TECTB: variants seen among roughly 807,000 people sequenced by gnomAD.
TECTB encodes tectorin beta.
A neutral mutation model predicts 43.3 loss-of-function variants in TECTB; 45 were observed. The ratio of observed to expected loss-of-function variants is 1.04; its 90% CI spans 0.82 to 1.33. The LOEUF (loss-of-function observed/expected upper bound fraction) is 1.33. Ranked by LOEUF, TECTB falls within the 40% of genes most tolerant of loss-of-function variation. The probability of loss-of-function intolerance (pLI) is 0.00; values close to 1 mark genes in which losing one functional copy is unlikely to be tolerated. For missense variants in TECTB, 399 were observed against 404.7 expected (o/e 0.99, Z 0.12); for synonymous variants, 169 against 156.7 (o/e 1.08, Z -0.59).
chr10:112,299,405 A>G, intron 8 of TECTB, 87 bp from the exon 9 acceptor site: 2 of 1,338,140 alleles, frequency 1.5e-6, no homozygotes, highest in South Asian at 2.4e-5. Flanking sequence ...CCTTTTTAAA[A>G]TATCTTTTCT....
At chr10:112,293,214 T>C (rs1400816243) in intron 5 of TECTB, among the ~76,000 whole-genome samples, 3 of 152,232 alleles carry the variant, frequency 2.0e-5, no homozygotes, top group African/African-American at 7.2e-5. Flanking sequence ...GAGTCCATCG[T>C]CAGTGCCCAA....
chr10:112,292,135 C>CAA (rs1218997579), intron 5 of TECTB, among the ~76,000 whole-genome samples: 43 of 109,928 alleles, frequency 3.9e-4, no homozygotes, highest in East Asian at 2.5e-3. Flanking sequence ...GACTCCATCT[C>CAA]AAAAAAAAAA....
chr10:112,293,883 A>C (rs935597388), intron 6 of TECTB, 42 bp downstream of exon 6: 1 of 1,603,568 alleles, frequency 6.2e-7, no homozygotes, highest in Non-Finnish European at 8.5e-7. Flanking sequence ...AAATGCAAAG[A>C]AAAAAAAGAC....
At position 112,303,732 on chromosome 10, in the gene TECTB, A is replaced by G. The variant is rs914997189; in HGVS notation, c.*420A>G. 4 of 168,700 alleles carry G rather than the reference A, an allele frequency of 2.4e-5. No homozygotes were observed. Among genetic ancestry groups the G allele is most frequent in the Non-Finnish European group, 5.2e-5 (4 of 77,458 alleles). 10.5% of individuals were successfully genotyped at this position (168,700 alleles called of 1,614,324 possible). A position where few individuals can be genotyped will look rare whatever the true frequency, so the allele number is the denominator to read the frequency against. ...CGCACATTAATAGCTGACTTTGCCA[A>G]AAAGGAGCTTTGTCATTGAGGCAGT... is the stretch of plus-strand genomic sequence containing the variant. On this transcript the variant is annotated 3_prime_UTR_variant, in exon 11 of 11. Transcript: ENST00000646139.
chr10:112,297,812 T>A (rs1332824168), intron 7 of TECTB, among the ~76,000 whole-genome samples: 1 of 152,200 alleles, frequency 6.6e-6, no homozygotes, highest in Non-Finnish European at 1.5e-5. Context: ...AGGTGTAACT[T>A]ACTAAAAGTG....
At chr10:112,294,834 G>A (rs562310418) in intron 7 of TECTB, among the ~76,000 whole-genome samples, 1 of 152,298 alleles carries the variant, frequency 6.6e-6, no homozygotes, top group African/African-American at 2.4e-5. Context: ...GAAAATGTAG[G>A]AACTAATCAG....
At chr10:112,284,435 C>A in intron 2 of TECTB, 100 bp from the exon 3 acceptor site, 10 of 1,221,650 alleles carry the variant, frequency 8.2e-6, no homozygotes, top group Non-Finnish European at 1.1e-5. Flanking sequence ...TTTTAACCAA[C>A]TGCTTTTGCA....
chr10:112,293,906 T>G, intron 6 of TECTB, 65 bp downstream of exon 6: 2 of 1,605,062 alleles, frequency 1.2e-6, no homozygotes, highest in South Asian at 2.2e-5. Context: ...GCTGACATAC[T>G]TTTTAATCAT....
Position 112,304,115 on chromosome 10 carries a change from A to C in TECTB, c.*803A>C, listed in dbSNP as rs553371573. ...CTAATAACACGGCATTGCCCCAGTG[A>C]AACTGCTGCTGGAAACATGACTATA... On this transcript the variant is annotated 3_prime_UTR_variant, in exon 11 of 11. Transcript: ENST00000646139. 63 of 152,222 alleles carry C rather than the reference A, an allele frequency of 4.1e-4. No homozygotes were observed. The highest frequency in any genetic ancestry group is 7.9e-4 in the Non-Finnish European group (54 of 68,040). The allele number at this position is 152,222 out of a possible 1,614,324, so 9.4% of individuals were successfully genotyped here.
rs756125179 is a variant in TECTB, at chr10:112,303,304, G to C, written c.982G>C (p.Val328Leu). 9.9e-6 allele frequency: 16 copies of C among 1,614,158 alleles called. 1 individual carries two copies. The highest frequency in any genetic ancestry group is 1.6e-4 in the Middle Eastern group (1 of 6,062). The stretch of plus-strand genomic sequence containing the variant: ...CATCATGATGTTGGGGATTTGTGCC[G>C]TGTTATAGGAGTTAGCCAGGCAGCT... ...HLIMMLGICA[V>L]L The change falls in exon 11 of 11, where the codon GTG (valine) becomes CTG (leucine). Residue 328 changes from valine to leucine, a missense_variant. By Grantham distance (32) the Val-to-Leu change is conservative (BLOSUM62 1). Coordinates refer to ENST00000646139, the MANE Select transcript of TECTB (RefSeq NM_058222.3).
intron 5 of TECTB, among the ~76,000 whole-genome samples, chr10:112,291,191 C>G (rs139737112): frequency 6.7e-6 from 1 of 148,218 alleles, no homozygotes; most frequent in Non-Finnish European, 1.5e-5. Flanking sequence ...GTGTGTTGTT[C>G]CCCTCCCTGT....
intron 3 of TECTB, 93 bp from the exon 4 acceptor site, chr10:112,285,978 T>G: frequency 6.5e-7 from 1 of 1,528,410 alleles, no homozygotes; most frequent in East Asian, 2.3e-5. Flanking sequence ...CCACTGGACT[T>G]GTTTTTGAGC....
At chr10:112,296,788 G>A (rs1422178911) in intron 7 of TECTB, among the ~76,000 whole-genome samples, 1 of 152,154 alleles carries the variant, frequency 6.6e-6, no homozygotes. Context: ...GTGGGGTAGA[G>A]AACATCATGA....
chr10:112,284,865 T>C, intron 3 of TECTB, 140 bp downstream of exon 3: 1 of 694,984 alleles, frequency 1.4e-6, no homozygotes, highest in East Asian at 3.2e-5. Context: ...CCAAATATCC[T>C]GGAATGTTGG....
chr10:112,296,084 G>A (rs1017490423), intron 7 of TECTB, among the ~76,000 whole-genome samples: 1 of 152,044 alleles, frequency 6.6e-6, no homozygotes, highest in South Asian at 2.1e-4. Context: ...CATGCACAAA[G>A]TTCAGTGCCA....
At chr10:112,295,819 T>C (rs769666860) in intron 7 of TECTB, among the ~76,000 whole-genome samples, 4 of 152,212 alleles carry the variant, frequency 2.6e-5, no homozygotes, top group Non-Finnish European at 5.9e-5. Context: ...GTTGTTCCCA[T>C]CTGGCAGATG....
At chr10:112,295,750 C>T (rs1848541020) in intron 7 of TECTB, among the ~76,000 whole-genome samples, 1 of 152,346 alleles carries the variant, frequency 6.6e-6, no homozygotes, top group African/African-American at 2.4e-5. Context: ...GCAATGGTCA[C>T]ACTAGGCAAA....
chr10:112,296,071 A>C (rs1848544441), intron 7 of TECTB, among the ~76,000 whole-genome samples: 1 of 152,128 alleles, frequency 6.6e-6, no homozygotes, highest in South Asian at 2.1e-4. Flanking sequence ...AAAGTTGGAG[A>C]TACATGCACA....
At chr10:112,286,685 C>T (rs962646299) in intron 5 of TECTB, among the ~76,000 whole-genome samples, 2 of 152,068 alleles carry the variant, frequency 1.3e-5, no homozygotes, top group African/African-American at 4.8e-5. Context: ...TTTGGGAGAC[C>T]GAGGCAGGCA....
Sources: gnomAD v4.1 joint callset for allele counts (sites outside exome capture counted in the v4.1 genomes callset) on GRCh38, gnomAD v4.1.1 for gene constraint, MANE v1.5 for transcripts, NCBI Gene and HGNC (gene_info 2026-07-23, HGNC 2026-07-21) for gene names.